PCNX2: variants seen among roughly 807,000 people sequenced by gnomAD.
PCNX2 encodes pecanex-like protein 2.
Under a neutral mutation model 223.8 loss-of-function variants are expected in PCNX2, and 168 were observed. That is an observed-to-expected ratio of 0.75 (90% CI 0.66 to 0.85). The LOEUF is 0.85. Among genes scored for constraint, PCNX2 ranks in the 40% least tolerant of loss-of-function variants. PCNX2 has a pLI of 0.00. For synonymous variants in PCNX2, 1,006 were observed against 1,052.6 expected (o/e 0.96, Z 0.86); for missense variants, 2,507 against 2,675.5 (o/e 0.94, Z 1.39).
At chr1:233,166,563 A>G (rs987500328) in intron 17 of PCNX2, among the ~76,000 whole-genome samples, 2 of 152,164 alleles carry the variant, frequency 1.3e-5, no homozygotes, top group Non-Finnish European at 2.9e-5. Context: ...GCACATGATA[A>G]AAAGTTCTGA....
intron 12 of PCNX2, among the ~76,000 whole-genome samples, chr1:233,212,565 T>C (rs1681877591): frequency 1.3e-5 from 2 of 152,188 alleles, no homozygotes. Flanking sequence ...AAGAGGGCAG[T>C]GAAATGGGTA....
At chr1:233,125,902 C>A (rs952299716) in intron 21 of PCNX2, 1 of 152,148 alleles carries the variant, frequency 6.6e-6, no homozygotes, top group East Asian at 1.9e-4. Context: ...CAGTAACTTA[C>A]GTAAACTGTT....
At chr1:233,193,379 A>G (rs1465510529) in intron 15 of PCNX2, among the ~76,000 whole-genome samples, 2 of 152,192 alleles carry the variant, frequency 1.3e-5, no homozygotes, top group African/African-American at 2.4e-5. Flanking sequence ...TTTCCTCTAG[A>G]TAAAGTTTTC....
chr1:233,294,266 G>C (rs894223908), intron 1 of PCNX2, among the ~76,000 whole-genome samples: 1 of 151,956 alleles, frequency 6.6e-6, no homozygotes, highest in East Asian at 1.9e-4. Context: ...TGTAAATCTG[G>C]TACTATTACT....
Position 233,252,666 on chromosome 1 carries a change from T to C in PCNX2, c.1957A>G (p.Thr653Ala), listed in dbSNP as rs367573468. The C allele has an allele frequency of 3.7e-6, 6 of 1,613,040 alleles. No homozygotes were observed. In the African/African-American group the frequency reaches 4.0e-5, roughly 11 times the overall value. ...QDHTSTGPAC[T>A]QPAKTTAFFQ... ...AAGGCTGTGGTCTTGGCAGGCTGAG[T>C]GCATGCGGGGCCGGTGCTAGTATGG... Residue 653 changes from threonine (T) to alanine (A), a missense_variant, in exon 6 of 34, where the codon ACT becomes GCT. Physicochemically the swap from Thr to Ala is moderately conservative, Grantham distance 58. Coordinates refer to ENST00000258229, the MANE Select transcript of PCNX2 (RefSeq NM_014801.4).
chr1:233,324,207 G>A, the PCNX2 span, among the ~76,000 whole-genome samples: 2 of 152,208 alleles, frequency 1.3e-5, no homozygotes, highest in Non-Finnish European at 2.9e-5. Context: ...AAGGAAAGAA[G>A]TCATCTCAAC....
chr1:233,034,789 GA>G (rs1671395190), intron 25 of PCNX2, among the ~76,000 whole-genome samples: 1 of 152,206 alleles, frequency 6.6e-6, no homozygotes, highest in Non-Finnish European at 1.5e-5. Context: ...TCCTGGCTGG[GA>G]GGCCTGGGCC....
intron 9 of PCNX2, among the ~76,000 whole-genome samples, chr1:233,233,424 CTGTGTGTG>C (rs57458756): frequency 0.25 from 35,550 of 140,230 alleles, 4,251 homozygotes; most frequent in South Asian, 0.32. Flanking sequence ...TCCTCTTCTC[CTGTGTGTG>C]TGTGTGTGTG....
the PCNX2 span, among the ~76,000 whole-genome samples, chr1:233,317,001 G>A: frequency 0.011 from 1,622 of 152,234 alleles, 28 homozygotes; most frequent in African/African-American, 0.036. Context: ...CACAAAAATA[G>A]GTATCAAATG....
At chr1:233,076,053 A>G (rs1041310581) in intron 23 of PCNX2, among the ~76,000 whole-genome samples, 1 of 152,228 alleles carries the variant, frequency 6.6e-6, no homozygotes, top group Admixed American at 6.5e-5. Context: ...GCCAACTGGG[A>G]AATTGAATAA....
intron 25 of PCNX2, among the ~76,000 whole-genome samples, chr1:233,041,203 AG>A (rs1174799461): frequency 1.3e-5 from 2 of 149,160 alleles, no homozygotes; most frequent in African/African-American, 5.1e-5. Context: ...TGTGGCTTAG[AG>A]AAAAACCACA....
chr1:233,269,596 G>A (rs1046453548), intron 1 of PCNX2, among the ~76,000 whole-genome samples: 3 of 152,176 alleles, frequency 2.0e-5, no homozygotes, highest in Non-Finnish European at 4.4e-5. Flanking sequence ...AGAAGGCAGG[G>A]ACATTTAAAA....
At chr1:233,312,481 C>G in the PCNX2 span, among the ~76,000 whole-genome samples, 3 of 152,128 alleles carry the variant, frequency 2.0e-5, no homozygotes, top group African/African-American at 7.2e-5. Context: ...ACTATAATTT[C>G]AAGAAGCACC....
chr1:233,151,147 A>G (rs562917801), intron 19 of PCNX2, among the ~76,000 whole-genome samples: 1 of 152,308 alleles, frequency 6.6e-6, no homozygotes, highest in East Asian at 1.9e-4. Context: ...TTCAGAAGAA[A>G]TCCTCCCTCA....
chr1:233,001,705 A>G lies in PCNX2; in HGVS notation c.4953-24T>C, dbSNP rs766944431. On this transcript the variant is annotated intron_variant, in intron 28 of 33. Transcript: ENST00000258229. The surrounding 1 kb of genome is among the most constrained non-coding windows in gnomAD (Gnocchi z 4.2). The stretch of plus-strand genomic sequence containing the variant: ...GGCTGCAAAACAAAGTCCTATTACT[A>G]TGGAACAAATTTCAGAATCCTGTCA... 1.3e-6 allele frequency: 2 copies of G among 1,515,288 alleles called. No homozygotes were observed. Among genetic ancestry groups the G allele is most frequent in the Non-Finnish European group, 1.8e-6 (2 of 1,124,644 alleles). 93.9% of individuals were successfully genotyped at this position (1,515,288 alleles called of 1,614,324 possible). A position where few individuals can be genotyped will look rare whatever the true frequency, so the allele number is the denominator to read the frequency against.
At chr1:233,243,830 T>A (rs1658932272) in intron 8 of PCNX2, among the ~76,000 whole-genome samples, 3 of 148,054 alleles carry the variant, frequency 2.0e-5, no homozygotes, top group Non-Finnish European at 2.9e-5. Flanking sequence ...ACCTTTATTT[T>A]TTATTTTTTA....
chr1:233,088,703 A>G (rs1047021137), intron 23 of PCNX2, among the ~76,000 whole-genome samples: 2 of 152,190 alleles, frequency 1.3e-5, no homozygotes, highest in African/African-American at 4.8e-5. Flanking sequence ...TGATTTGGTT[A>G]GTTTTCACCA....
At chr1:233,116,789 AT>A (rs1439909494) in intron 21 of PCNX2, among the ~76,000 whole-genome samples, 1 of 152,126 alleles carries the variant, frequency 6.6e-6, no homozygotes, top group East Asian at 1.9e-4. Flanking sequence ...AAAGAAAATA[AT>A]AAAGATAAAA....
chr1:233,310,762 G>A, the PCNX2 span, among the ~76,000 whole-genome samples: 7 of 152,318 alleles, frequency 4.6e-5, no homozygotes, highest in East Asian at 1.4e-3. Context: ...GAAGCATGGT[G>A]TCAGTATTTG....
Sources: allele counts gnomAD v4.1 joint callset (sites outside exome capture counted in the v4.1 genomes callset), GRCh38; gene constraint gnomAD v4.1.1; non-coding constraint Gnocchi (gnomAD v3.1); transcripts MANE v1.5; gene names NCBI Gene and HGNC (gene_info 2026-07-23, HGNC 2026-07-21).